Variants in WDR72 observed in about 807,000 individuals in gnomAD.
WDR72 encodes WD repeat-containing protein 72.
A neutral mutation model predicts 124.2 loss-of-function variants in WDR72; 120 were observed. The ratio of observed to expected loss-of-function variants is 0.97; its 90% confidence interval spans 0.83 to 1.12. WDR72 has a LOEUF of 1.12. Among genes scored for constraint, WDR72 ranks in the 50% most tolerant of loss-of-function variants. WDR72 has a pLI of 0.00. For missense variants in WDR72, 1,387 were observed against 1,278.8 expected, an observed-to-expected ratio of 1.08 and a Z score of -1.29; for synonymous variants, 452 against 441.7, an observed-to-expected ratio of 1.02 and a Z score of -0.29.
intron 14 of WDR72, among the ~76,000 whole-genome samples, chr15:53,648,472 A>G (rs938883696): frequency 2.0e-5 from 3 of 152,182 alleles, no homozygotes; most frequent in Non-Finnish European, 2.9e-5. Context: ...TCTAAACATC[A>G]TACTAACAAG....
At chr15:53,625,600 G>C (rs1272096052) in intron 14 of WDR72, among the ~76,000 whole-genome samples, 1 of 152,160 alleles carries the variant, frequency 6.6e-6, no homozygotes, top group Non-Finnish European at 1.5e-5. Flanking sequence ...TTTGTCTGGA[G>C]TACAAAGACT....
At chr15:53,679,188 G>A (rs970546607) in intron 13 of WDR72, among the ~76,000 whole-genome samples, 1 of 152,184 alleles carries the variant, frequency 6.6e-6, no homozygotes, top group Non-Finnish European at 1.5e-5. Flanking sequence ...TGTTCAGTGG[G>A]TATGGAGTTT....
chr15:53,559,361 T>A (rs1894049996), intron 18 of WDR72, among the ~76,000 whole-genome samples: 1 of 152,034 alleles, frequency 6.6e-6, no homozygotes, highest in Admixed American at 6.6e-5. Flanking sequence ...CTAAAAATGT[T>A]TTGTAAAGAT....
chr15:53,571,212 A>G (rs1894514508), intron 18 of WDR72, among the ~76,000 whole-genome samples: 1 of 152,066 alleles, frequency 6.6e-6, no homozygotes, highest in African/African-American at 2.4e-5. Flanking sequence ...GTGTGATAGG[A>G]TCATGAGAAG....
intron 1 of WDR72, among the ~76,000 whole-genome samples, chr15:53,737,868 C>T (rs775484442): frequency 1.3e-5 from 2 of 152,106 alleles, no homozygotes; most frequent in African/African-American, 2.4e-5. Context: ...AATGAGACCA[C>T]GCATACAACA....
At chr15:53,603,365 C>A (rs2899518) in intron 17 of WDR72, among the ~76,000 whole-genome samples, 43,408 of 151,956 alleles carry the variant, frequency 0.29, 7,628 homozygotes, top group Middle Eastern at 0.54. Context: ...TATGAAAAAA[C>A]CACAGCCAAC....
chr15:53,726,262 G>GTTTA (rs539475727), intron 2 of WDR72, among the ~76,000 whole-genome samples: 1 of 55,708 alleles, frequency 1.8e-5, no homozygotes, highest in Non-Finnish European at 3.4e-5. Flanking sequence ...ATATGTATGT[G>GTTTA]TGTATATATA....
At chr15:53,674,010 T>C (rs911077960) in intron 13 of WDR72, among the ~76,000 whole-genome samples, 1 of 151,958 alleles carries the variant, frequency 6.6e-6, no homozygotes, top group Admixed American at 6.6e-5. Context: ...AAAAAGCATA[T>C]ATATTCATCA....
intron 1 of WDR72, among the ~76,000 whole-genome samples, chr15:53,757,977 TTCTCTCTCTCTCTC>T (rs5812712): frequency 7.4e-5 from 11 of 148,772 alleles, no homozygotes; most frequent in Non-Finnish European, 1.5e-4. Context: ...AGAGTTTATT[TTCTCTCTCTCTCTC>T]TCTCTCTCTC....
intron 18 of WDR72, among the ~76,000 whole-genome samples, chr15:53,561,376 A>G (rs1444927681): frequency 3.3e-5 from 5 of 151,838 alleles, no homozygotes; most frequent in Admixed American, 2.6e-4. Flanking sequence ...ATATAAATAT[A>G]TAAATCAAAG....
At chr15:53,651,113 C>G (rs1400004030) in intron 14 of WDR72, among the ~76,000 whole-genome samples, 1 of 152,076 alleles carries the variant, frequency 6.6e-6, no homozygotes, top group African/African-American at 2.4e-5. Flanking sequence ...CCTCTTGAGT[C>G]ACACTGGCCT....
At chr15:53,705,281 C>T in intron 10 of WDR72, 48 bp from the exon 11 acceptor site, 1 of 1,582,930 alleles carries the variant, frequency 6.3e-7, no homozygotes, top group Non-Finnish European at 8.6e-7. Flanking sequence ...ATCAGTACAT[C>T]ATAGACATGG....
intron 14 of WDR72, among the ~76,000 whole-genome samples, chr15:53,620,228 T>A (rs901457349): frequency 2.0e-5 from 3 of 151,996 alleles, no homozygotes; most frequent in African/African-American, 7.2e-5. Context: ...TCCCATACAA[T>A]AGATTTGGCT....
At chr15:53,586,211 G>A (rs553450942) in intron 18 of WDR72, among the ~76,000 whole-genome samples, 2 of 152,112 alleles carry the variant, frequency 1.3e-5, no homozygotes, top group South Asian at 4.2e-4. Flanking sequence ...GACCAGACTG[G>A]TTATTGCCTA....
At chr15:53,592,810 T>C (rs369351262) in intron 18 of WDR72, among the ~76,000 whole-genome samples, 1 of 152,146 alleles carries the variant, frequency 6.6e-6, no homozygotes. Flanking sequence ...TCAAATGCAA[T>C]TTAATAATAG....
intron 1 of WDR72, among the ~76,000 whole-genome samples, chr15:53,743,184 G>T (rs1053465984): frequency 3.3e-5 from 5 of 151,588 alleles, no homozygotes; most frequent in Admixed American, 1.3e-4. Flanking sequence ...ATTTCTTGGT[G>T]GCATAATGAA....
chr15:53,580,220 A>G (rs1239708811), intron 18 of WDR72, among the ~76,000 whole-genome samples: 1 of 152,154 alleles, frequency 6.6e-6, no homozygotes, highest in Non-Finnish European at 1.5e-5. Flanking sequence ...ATAAAAATCC[A>G]GCATAATTTA....
At chr15:53,525,171 A>AT (rs1396080030) in intron 18 of WDR72, among the ~76,000 whole-genome samples, 13 of 152,122 alleles carry the variant, frequency 8.5e-5, no homozygotes, top group African/African-American at 1.2e-4. Flanking sequence ...GAATCCATAG[A>AT]TTTTTTGTGA....
At chr15:53,756,197 C>T (rs2018899640) in intron 1 of WDR72, among the ~76,000 whole-genome samples, 2 of 152,136 alleles carry the variant, frequency 1.3e-5, no homozygotes, top group African/African-American at 4.8e-5. Flanking sequence ...TGGTTTCCCC[C>T]ATGCTGTTCT....
Sources: allele counts gnomAD v4.1 joint callset (sites outside exome capture counted in the v4.1 genomes callset), GRCh38; gene constraint gnomAD v4.1.1; transcripts MANE v1.5; gene names NCBI Gene and HGNC (gene_info 2026-07-23, HGNC 2026-07-21).